The following PDE6A variants were observed in gnomAD, a reference collection of about 807,000 sequenced individuals.
PDE6A encodes phosphodiesterase 6A.
PDE6A carries 84 observed loss-of-function variants against 106.3 expected under a neutral mutation model. The ratio of observed to expected loss-of-function variants is 0.79; its 90% CI spans 0.66 to 0.95. PDE6A has a LOEUF of 0.95. Ranked by LOEUF, PDE6A falls within the 40% of genes least tolerant of loss-of-function variation. The pLI is 0.00. For missense variants in PDE6A, 1,052 were observed against 1,084.9 expected, an observed-to-expected ratio of 0.97 and a Z score of 0.43; for synonymous variants, 394 against 386.6, an observed-to-expected ratio of 1.02 and a Z score of -0.23.
chr5:149,858,779 G>A lies in PDE6A; in HGVS notation c.*2116C>T, dbSNP rs1292830688. On this transcript the variant is annotated 3_prime_UTR_variant, in exon 22 of 22. Coordinates refer to ENST00000255266, the MANE Select transcript of PDE6A (RefSeq NM_000440.3). ...GGGCGACAGAGTGAGACCTCGTCATGAAAGATAGAGAAAGAGAGAAATTCT... is the reference window on the plus strand; with the variant it reads ...GGGCGACAGAGTGAGACCTCGTCATAAAAGATAGAGAAAGAGAGAAATTCT... The A allele has an allele frequency of 7.0e-6, 1 of 142,000 alleles. No homozygotes were observed. Among genetic ancestry groups the A allele is most frequent in the African/African-American group, 2.5e-5 (1 of 39,232 alleles). 8.8% of individuals were successfully genotyped at this position (142,000 alleles called of 1,614,324 possible).
chr5:149,932,589 A>T, intron 3 of PDE6A: 1 of 1,597,538 alleles, frequency 6.3e-7, no homozygotes, highest in Non-Finnish European at 8.6e-7. Context: ...TGCTACTTTT[A>T]ACTTTTCTGG....
intron 7 of PDE6A, among the ~76,000 whole-genome samples, chr5:149,904,884 C>G (rs905445424): frequency 6.6e-6 from 1 of 152,092 alleles, no homozygotes; most frequent in Non-Finnish European, 1.5e-5. Context: ...CCATCATGGT[C>G]CCTATAGCAA....
chr5:149,939,446 G>A (rs1397394725), intron 1 of PDE6A, among the ~76,000 whole-genome samples: 1 of 152,142 alleles, frequency 6.6e-6, no homozygotes, highest in African/African-American at 2.4e-5. Flanking sequence ...AGCTCCAGAA[G>A]GGCAAGACTG....
At chr5:149,881,365 A>G (rs1425706775) in intron 17 of PDE6A, among the ~76,000 whole-genome samples, 1 of 152,180 alleles carries the variant, frequency 6.6e-6, no homozygotes, top group African/African-American at 2.4e-5. Context: ...TCAACGGTGG[A>G]TTAGATAAAG....
intron 4 of PDE6A, among the ~76,000 whole-genome samples, chr5:149,927,445 T>A (rs1421750617): frequency 1.3e-5 from 2 of 152,168 alleles, no homozygotes; most frequent in Non-Finnish European, 2.9e-5. Context: ...TTTAATTAAT[T>A]AATTAATTAT....
At chr5:149,930,254 C>T (rs923173119) in intron 4 of PDE6A, among the ~76,000 whole-genome samples, 1 of 152,210 alleles carries the variant, frequency 6.6e-6, no homozygotes. Context: ...GCTTTTCCAA[C>T]CCCAGATTCT....
chr5:149,906,519 C>CAAATAAAAAAAAAAAAAAA (rs1753188715), intron 7 of PDE6A, among the ~76,000 whole-genome samples: 1 of 54,204 alleles, frequency 1.8e-5, no homozygotes, highest in Non-Finnish European at 4.0e-5. Context: ...GAGACACTGT[C>CAAATAAAAAAAAAAAAAAA]AAAAAAAAAA....
chr5:149,885,019 T>C (rs1397094862), intron 14 of PDE6A, 152 bp from the exon 15 acceptor site: 1 of 695,988 alleles, frequency 1.4e-6, no homozygotes, highest in Non-Finnish European at 2.6e-6. Flanking sequence ...CTAAATAGCA[T>C]GGACCCCTTC....
In PDE6A at chr5:149,895,171, GC is replaced by G; in HGVS notation, c.1728+11del. ...CAAGCCCACCCTACCAGCCCCACCG[GC>G]CCCGCCATACCACCAGCAGGGAGAA... On this transcript the variant is annotated intron_variant, in intron 13 of 21. Coordinates refer to ENST00000255266, the MANE Select transcript of PDE6A (RefSeq NM_000440.3). 1 of 1,571,834 alleles carries G rather than the reference GC, an allele frequency of 6.4e-7. No individual in the cohort carries two copies. Among genetic ancestry groups the G allele is most frequent in the Non-Finnish European group, 8.8e-7 (1 of 1,141,700 alleles).
At chr5:149,868,310 G>A (rs1473314229) in intron 17 of PDE6A, 152 bp from the exon 18 acceptor site, 5 of 759,350 alleles carry the variant, frequency 6.6e-6, no homozygotes, top group Non-Finnish European at 9.0e-6. Context: ...TCCAGGGGTT[G>A]GGCTTTGAAA....
intron 5 of PDE6A, among the ~76,000 whole-genome samples, chr5:149,917,587 G>T (rs1335207711): frequency 6.6e-6 from 1 of 152,202 alleles, no homozygotes; most frequent in Non-Finnish European, 1.5e-5. Context: ...TAAACAAAAG[G>T]CAGAAGCTGA....
intron 1 of PDE6A, among the ~76,000 whole-genome samples, chr5:149,936,167 A>G (rs371171717): frequency 2.0e-5 from 3 of 149,000 alleles, no homozygotes; most frequent in Admixed American, 6.6e-5. Flanking sequence ...AAAAGGAAGG[A>G]AGGAAGGAAG....
chr5:149,894,705 C>A (rs1752670546), intron 13 of PDE6A, among the ~76,000 whole-genome samples: 1 of 142,524 alleles, frequency 7.0e-6, no homozygotes, highest in Non-Finnish European at 1.5e-5. Context: ...GATCTTGGCT[C>A]ACTGCAACCT....
intron 6 of PDE6A, among the ~76,000 whole-genome samples, chr5:149,912,090 T>C (rs866433368): frequency 2.0e-5 from 3 of 152,132 alleles, no homozygotes; most frequent in Admixed American, 2.0e-4. Context: ...ACCTGCTCTA[T>C]GTTCTTCTCT....
In PDE6A at chr5:149,899,501, T is replaced by C. The variant is rs1237344961; in HGVS notation, c.1137A>G (p.Gly379=). The C allele has an allele frequency of 9.9e-6, 16 of 1,614,152 alleles. No homozygotes were observed. Among genetic ancestry groups the C allele is most frequent in the Non-Finnish European group, 1.4e-5 (16 of 1,180,010 alleles). The change falls in exon 9 of 22, where the codon GGA becomes GGG. Residue 379 remains glycine, a synonymous_variant. Coordinates refer to ENST00000255266, the MANE Select transcript of PDE6A (RefSeq NM_000440.3). ...AFQKEPLDES[G]WMIKNVLSMP... ...TTGAAAGCACATTTTTAATCATCCATCCAGACTCATCCAGAGGTTCTTTCT... is the reference window on the plus strand; with the variant it reads ...TTGAAAGCACATTTTTAATCATCCACCCAGACTCATCCAGAGGTTCTTTCT...
chr5:149,914,477 C>T (rs1263446668), intron 6 of PDE6A, among the ~76,000 whole-genome samples: 2 of 152,138 alleles, frequency 1.3e-5, no homozygotes, highest in African/African-American at 4.8e-5. Flanking sequence ...CTCCAACAAA[C>T]CAAACTAAAA....
At position 149,933,912 on chromosome 5, in the gene PDE6A, T is replaced by C; in HGVS notation, c.717+18A>G. 1 of 1,594,732 alleles carries C rather than the reference T, an allele frequency of 6.3e-7. No homozygotes were observed. Among genetic ancestry groups the C allele is most frequent in the Non-Finnish European group, 8.6e-7 (1 of 1,163,254 alleles). ...GAAAGGACGAGTCAAGTCCATTCCC[T>C]TGGCCCAAGCCCCTTACCTGGCCAC... On this transcript the variant is annotated intron_variant, in intron 3 of 21. Transcript: ENST00000255266.
chr5:149,920,986 GAA>G (rs1483384519), intron 5 of PDE6A, among the ~76,000 whole-genome samples: 14 of 134,128 alleles, frequency 1.0e-4, no homozygotes, highest in African/African-American at 4.9e-4. Flanking sequence ...AAGAAAGAAA[GAA>G]AGAAAGAAAA....
intron 5 of PDE6A, among the ~76,000 whole-genome samples, chr5:149,917,156 T>C (rs1339792065): frequency 2.0e-5 from 3 of 151,998 alleles, no homozygotes; most frequent in African/African-American, 2.4e-5. Context: ...ACAATTTTGT[T>C]TTTCTAGGAA....
Sources: gnomAD v4.1 joint callset for allele counts (sites outside exome capture counted in the v4.1 genomes callset) on GRCh38, gnomAD v4.1.1 for gene constraint, MANE v1.5 for transcripts, NCBI Gene and HGNC (gene_info 2026-07-23, HGNC 2026-07-21) for gene names.